Variants in RIT2 observed in about 807,000 individuals in gnomAD.
RIT2 encodes Ras like without CAAX 2.
A neutral mutation model predicts 23.7 loss-of-function variants in RIT2; 24 were observed. That is an observed-to-expected ratio of 1.01 (90% confidence interval 0.73 to 1.43). RIT2 has a LOEUF of 1.43. Ranked by LOEUF, RIT2 falls within the 40% of genes most tolerant of loss-of-function variation. The pLI is 0.00. For missense variants in RIT2, 236 were observed against 266.9 expected, an observed-to-expected ratio of 0.88 and a Z score of 0.81; for synonymous variants, 107 against 91.1, an observed-to-expected ratio of 1.17 and a Z score of -0.99.
chr18:42,991,611 AAT>A, intron 2 of RIT2, among the ~76,000 whole-genome samples: 1 of 142,582 alleles, frequency 7.0e-6, no homozygotes, highest in South Asian at 2.5e-4. Context: ...AAGAAATGAA[AAT>A]GGCCTGTTCC....
intron 4 of RIT2, among the ~76,000 whole-genome samples, chr18:42,767,019 C>G (rs1341284125): frequency 6.6e-6 from 1 of 152,206 alleles, no homozygotes; most frequent in Non-Finnish European, 1.5e-5. Context: ...CAAAAGTTTG[C>G]TGCAGGGCAG....
intron 4 of RIT2, among the ~76,000 whole-genome samples, chr18:42,866,460 CT>C (rs998831017): frequency 6.6e-6 from 1 of 152,016 alleles, no homozygotes; most frequent in Non-Finnish European, 1.5e-5. Flanking sequence ...ATTAAACTGC[CT>C]TTCCCAAGCT....
chr18:42,983,755 C>T (rs1910647577), intron 2 of RIT2, among the ~76,000 whole-genome samples: 2 of 152,024 alleles, frequency 1.3e-5, no homozygotes, highest in Non-Finnish European at 2.9e-5. Flanking sequence ...CACATGAAAA[C>T]ATGTTCAACA....
At chr18:42,781,676 G>A (rs1913815110) in intron 4 of RIT2, among the ~76,000 whole-genome samples, 1 of 152,178 alleles carries the variant, frequency 6.6e-6, no homozygotes, top group Non-Finnish European at 1.5e-5. Context: ...GTGCATATGA[G>A]CTAGTTCTGC....
intron 3 of RIT2, among the ~76,000 whole-genome samples, chr18:42,941,821 A>G (rs1012629664): frequency 6.6e-6 from 1 of 152,094 alleles, no homozygotes; most frequent in Non-Finnish European, 1.5e-5. Flanking sequence ...GTTTTATTCC[A>G]GTTAATTTTA....
At chr18:42,888,155 T>C (rs1908071755) in intron 4 of RIT2, among the ~76,000 whole-genome samples, 1 of 151,734 alleles carries the variant, frequency 6.6e-6, no homozygotes, top group Admixed American at 6.6e-5. Context: ...CTACGGGCTT[T>C]GGGTGGTAAT....
chr18:42,953,187 ATT>A (rs1909894049), intron 3 of RIT2, among the ~76,000 whole-genome samples: 2 of 152,180 alleles, frequency 1.3e-5, no homozygotes, highest in South Asian at 4.1e-4. Flanking sequence ...TTTTAATATC[ATT>A]TTAATATGTT....
intron 1 of RIT2, among the ~76,000 whole-genome samples, chr18:43,056,850 T>A (rs994261599): frequency 6.6e-6 from 1 of 152,142 alleles, no homozygotes; most frequent in Admixed American, 6.6e-5. Flanking sequence ...ACTGCCATGA[T>A]CTTTGAATTG....
At chr18:43,095,267 G>C (rs1197478423) in intron 1 of RIT2, among the ~76,000 whole-genome samples, 1 of 152,090 alleles carries the variant, frequency 6.6e-6, no homozygotes, top group Non-Finnish European at 1.5e-5. Context: ...ATTGGCGTGA[G>C]ATGTTATCTC....
intron 4 of RIT2, among the ~76,000 whole-genome samples, chr18:42,837,153 C>CTTTTCTTTTTT (rs1568008832): frequency 1.2e-4 from 6 of 51,700 alleles, no homozygotes; most frequent in Non-Finnish European, 1.4e-4. Context: ...TTTTCTTTTT[C>CTTTTCTTTTTT]TTTTTTTTTT....
intron 4 of RIT2, among the ~76,000 whole-genome samples, chr18:42,857,213 A>G (rs1907210834): frequency 6.6e-6 from 1 of 152,334 alleles, no homozygotes; most frequent in Admixed American, 6.5e-5. Context: ...ACAAACTACA[A>G]GGTCACGTTC....
At chr18:42,847,947 A>C (rs1362848781) in intron 4 of RIT2, among the ~76,000 whole-genome samples, 1 of 150,674 alleles carries the variant, frequency 6.6e-6, no homozygotes, top group East Asian at 1.9e-4. Context: ...CTAATTTATA[A>C]TGAATTTAGT....
At chr18:43,011,316 T>C (rs9947407) in intron 2 of RIT2, among the ~76,000 whole-genome samples, 144,819 of 151,698 alleles carry the variant, frequency 0.95, 69,478 homozygotes, top group East Asian at 1. Flanking sequence ...AGCTGCATCA[T>C]GCAACCAAAG....
At chr18:42,996,983 C>G (rs1391486797) in intron 2 of RIT2, among the ~76,000 whole-genome samples, 2 of 152,138 alleles carry the variant, frequency 1.3e-5, no homozygotes, top group African/African-American at 4.8e-5. Flanking sequence ...CTTCTCTTCC[C>G]CACAGCAGCA....
intron 4 of RIT2, among the ~76,000 whole-genome samples, chr18:42,778,106 G>A (rs1415734034): frequency 1.3e-5 from 2 of 151,784 alleles, no homozygotes; most frequent in African/African-American, 2.4e-5. Flanking sequence ...TGGCTGCTGT[G>A]CTTTTAGAGC....
rs1022657035 is a variant in RIT2 at position 42,874,778 on chromosome 18, C to T, written c.426+48794G>A. On this transcript the variant is annotated intron_variant, in intron 4 of 4. Coordinates refer to ENST00000326695, the MANE Select transcript of RIT2 (RefSeq NM_002930.4). The stretch of plus-strand genomic sequence containing the variant: ...TGACTTTTTTTTAGGCACCAACATG[C>T]GAAGCTGAAGATCTAGTGATGTAAT... Among the ~76,000 whole-genome samples the T allele has an allele frequency of 3.2e-4, 48 of 152,070 alleles. 1 individual carries two copies. The highest frequency in any genetic ancestry group is 2.6e-4 in the Non-Finnish European group (18 of 67,964).
intron 3 of RIT2, among the ~76,000 whole-genome samples, chr18:42,966,256 T>C (rs1324589800): frequency 6.6e-6 from 1 of 152,188 alleles, no homozygotes; most frequent in Non-Finnish European, 1.5e-5. Context: ...AGTTCTTTCA[T>C]TGTCCAACAC....
intron 4 of RIT2, among the ~76,000 whole-genome samples, chr18:42,813,043 T>C (rs1905895754): frequency 6.6e-6 from 1 of 152,206 alleles, no homozygotes; most frequent in Non-Finnish European, 1.5e-5. Context: ...TAGTATCTAG[T>C]TCAGTCCACA....
rs1425824601 is a variant in RIT2, at chr18:43,037,195, A to G, written c.104-3328T>C. 7.2e-5 allele frequency among the ~76,000 whole-genome samples: 11 copies of G among 152,234 alleles called. No individual in the cohort carries two copies. The East Asian group carries it at 2.1e-3, about 29-fold the overall frequency. On this transcript the variant is annotated intron_variant, in intron 1 of 4. Coordinates refer to ENST00000326695, the MANE Select transcript of RIT2 (RefSeq NM_002930.4). ...ACACAAGAACACAATATTGAGAAAT[A>G]GGTAACGATCAACATGTCCCAAGTA...
Sources: allele counts gnomAD v4.1 joint callset (sites outside exome capture counted in the v4.1 genomes callset), GRCh38; gene constraint gnomAD v4.1.1; transcripts MANE v1.5; gene names NCBI Gene and HGNC (gene_info 2026-07-23, HGNC 2026-07-21).